Variants in RGS10 observed in about 807,000 individuals in gnomAD.
The protein encoded by RGS10 is regulator of G-protein signalling 10.
In RGS10, 11 loss-of-function variants were observed where a neutral mutation model predicts 23.5. The observed-to-expected ratio is 0.47, with a 90% CI of 0.29 to 0.77. The LOEUF (loss-of-function observed/expected upper bound fraction) is 0.77. RGS10 is among the 30% of genes least tolerant of loss of function. The pLI is 0.08. For synonymous variants in RGS10, 77 were observed against 83.2 expected, an observed-to-expected ratio of 0.92 and a Z score of 0.41; for missense variants, 180 against 226.3, an observed-to-expected ratio of 0.80 and a Z score of 1.31.
intron 4 of RGS10, among the ~76,000 whole-genome samples, chr10:119,504,167 T>C (rs1308711239): frequency 6.6e-6 from 1 of 152,210 alleles, no homozygotes; most frequent in African/African-American, 2.4e-5. Context: ...AAAACAATGA[T>C]CCCAAATACG....
chr10:119,525,057 G>C (rs1168566661), intron 3 of RGS10, among the ~76,000 whole-genome samples: 1 of 152,190 alleles, frequency 6.6e-6, no homozygotes, highest in Non-Finnish European at 1.5e-5. Flanking sequence ...TGTTTGGTAG[G>C]CAAGGTTTTA....
At chr10:119,510,501 C>T (rs11812697) in intron 4 of RGS10, among the ~76,000 whole-genome samples, 2,034 of 152,288 alleles carry the variant, frequency 0.013, 39 homozygotes, top group African/African-American at 0.047. Flanking sequence ...CCTCTCAGCT[C>T]ATCCCCTGTT....
intron 3 of RGS10, 123 bp from the exon 4 acceptor site, chr10:119,515,775 C>A (rs1275046098): frequency 3.4e-6 from 4 of 1,169,490 alleles, no homozygotes; most frequent in African/African-American, 3.1e-5. Context: ...CCCCCCACAG[C>A]CCAGGGGCTC....
intron 3 of RGS10, among the ~76,000 whole-genome samples, chr10:119,516,107 C>A (rs1844140086): frequency 6.6e-6 from 1 of 152,056 alleles, no homozygotes; most frequent in African/African-American, 2.4e-5. Context: ...CAAAAATTAG[C>A]CAGGCGTGGT....
At position 119,527,400 on chromosome 10, in the gene RGS10, G is replaced by C; in HGVS notation, c.74C>G (p.Ser25Cys). 2 of 1,614,134 alleles carry C rather than the reference G, an allele frequency of 1.2e-6. No individual in the cohort carries two copies. Among genetic ancestry groups the C allele is most frequent in the South Asian group, 1.1e-5 (1 of 91,090 alleles). ...CTTGAGGCTCTGGTGGCTGCTGCTGGAACTGCCATCGCTGTCGTGGATGTC... is the reference window on the plus strand; with the variant it reads ...CTTGAGGCTCTGGTGGCTGCTGCTGCAACTGCCATCGCTGTCGTGGATGTC... Reference protein sequence around the residue: ...PSDIHDSDGSSSSSHQSLKST... With the variant: ...PSDIHDSDGSCSSSHQSLKST... Residue 25 changes from serine (S) to cysteine (C), a missense_variant, in exon 2 of 5, where the codon TCC (serine) becomes TGC (cysteine). Coordinates refer to ENST00000369103, the MANE Select transcript of RGS10 (RefSeq NM_001005339.2). This position sits in a 1 kb window ranked among gnomAD's most constrained non-coding sequence, Gnocchi z 4.2.
chr10:119,540,015 A>T (rs1844422353), intron 1 of RGS10, among the ~76,000 whole-genome samples: 1 of 151,630 alleles, frequency 6.6e-6, no homozygotes, highest in South Asian at 2.1e-4. Flanking sequence ...CTGTCTTCTC[A>T]GTACCTCGGC....
chr10:119,534,273 A>G (rs1372562522), intron 1 of RGS10, among the ~76,000 whole-genome samples: 1 of 97,782 alleles, frequency 1.0e-5, no homozygotes, highest in Non-Finnish European at 2.5e-5. Context: ...ATAAATAAAT[A>G]AATAAATAAA....
rs578053661 is a variant in RGS10, at chr10:119,503,239, T to C, written c.400-2980A>G. ...CTGTAGTCCCAGCTACTAAGGAGGC[T>C]GAGGTGGGAGGATCACCTAAGCCCG... On this transcript the variant is annotated intron_variant, in intron 4 of 4. Transcript: ENST00000369103. Among the ~76,000 whole-genome samples the C allele has an allele frequency of 3.7e-4, 56 of 150,992 alleles. No homozygotes were observed. In the South Asian group the frequency reaches 0.011, roughly 30 times the overall value.
chr10:119,511,182 C>T (rs1170843118), intron 4 of RGS10, among the ~76,000 whole-genome samples: 2 of 152,212 alleles, frequency 1.3e-5, no homozygotes, highest in African/African-American at 4.8e-5. Flanking sequence ...ATGCCCACAG[C>T]ACCACCTTTC....
intron 4 of RGS10, among the ~76,000 whole-genome samples, chr10:119,513,459 CAAAAA>C (rs1236164318): frequency 1.4e-5 from 2 of 147,088 alleles, no homozygotes; most frequent in African/African-American, 5.0e-5. Context: ...CATCCTGTCG[CAAAAA>C]TAAAATAAAA....
intron 4 of RGS10, among the ~76,000 whole-genome samples, chr10:119,501,768 G>C (rs1027510383): frequency 6.6e-6 from 1 of 152,098 alleles, no homozygotes; most frequent in African/African-American, 2.4e-5. Context: ...ACAAACATCT[G>C]AGGGACTCAA....
intron 1 of RGS10, chr10:119,536,451 G>A (rs1448808016): frequency 1.9e-6 from 3 of 1,612,644 alleles, no homozygotes; most frequent in Non-Finnish European, 1.7e-6. Flanking sequence ...AAGGGGTGGG[G>A]GCGATTCCTT....
intron 1 of RGS10, chr10:119,536,574 C>T (rs757203833): frequency 2.0e-6 from 3 of 1,483,698 alleles, no homozygotes; most frequent in South Asian, 2.5e-5. Flanking sequence ...CCCGAGCACC[C>T]TTGGGTCCGA....
At chr10:119,520,592 C>T (rs531141937) in intron 3 of RGS10, among the ~76,000 whole-genome samples, 13 of 152,198 alleles carry the variant, frequency 8.5e-5, no homozygotes, top group African/African-American at 2.2e-4. Flanking sequence ...AAGAATGAGA[C>T]GCCGAACCGA....
rs35699150 is a variant in RGS10 at position 119,507,579 on chromosome 10, C to CT, written c.400-7321dup. Among the ~76,000 whole-genome samples, 114 of 64,324 alleles carry CT rather than the reference C, an allele frequency of 1.8e-3. 5 individuals are homozygous for CT. The highest frequency in any genetic ancestry group is 6.4e-3 in the African/African-American group (96 of 14,904). The allele number at this position is 64,324 out of a possible 152,430, so 42.2% of individuals were successfully genotyped here. A position where few individuals can be genotyped will look rare whatever the true frequency, so the allele number is the denominator to read the frequency against. On this transcript the variant is annotated intron_variant, in intron 4 of 4. Transcript: ENST00000369103. Reference sequence around the variant, plus strand: ...GGGAGCACTAGCATCTCACCCAAGGCTTTTTTTTTTTTTTTTTTTTTTTGA... The same window carrying CT: ...GGGAGCACTAGCATCTCACCCAAGGCTTTTTTTTTTTTTTTTTTTTTTTTGA...
chr10:119,521,907 A>G (rs1304077578), intron 3 of RGS10, among the ~76,000 whole-genome samples: 1 of 152,182 alleles, frequency 6.6e-6, no homozygotes, highest in Admixed American at 6.5e-5. Context: ...AGGTCTTTAC[A>G]TACCTACCTG....
chr10:119,536,498 C>G, intron 1 of RGS10: 2 of 1,611,388 alleles, frequency 1.2e-6, no homozygotes, highest in South Asian at 1.1e-5. Context: ...AGAAGTTCCA[C>G]GCAGACCAAC....
Position 119,515,577 on chromosome 10 carries a change from G to T in RGS10, c.331C>A (p.Gln111Lys). The T allele has an allele frequency of 6.2e-7, 1 of 1,614,190 alleles. No homozygotes were observed. Among genetic ancestry groups the T allele is most frequent in the Non-Finnish European group, 8.5e-7 (1 of 1,180,014 alleles). Reference sequence around the variant, plus strand: ...AGGATCTTCTCGTTGAGCCGAGACTGCCCCTCCACGTTGACCTGTGATGAG... The same window carrying T: ...AGGATCTTCTCGTTGAGCCGAGACTTCCCCTCCACGTTGACCTGTGATGAG... ...KASSQVNVEG[Q>K]SRLNEKILEE... Residue 111 changes from glutamine (Q) to lysine (K), a missense_variant, in exon 4 of 5, where the codon CAG becomes AAG. Gln to Lys is a moderately conservative substitution (Grantham distance 53). Transcript: ENST00000369103.
At chr10:119,507,800 G>A (rs1844032777) in intron 4 of RGS10, among the ~76,000 whole-genome samples, 1 of 151,944 alleles carries the variant, frequency 6.6e-6, no homozygotes, top group Admixed American at 6.6e-5. Flanking sequence ...GGCCAGGCTG[G>A]TCTCAAACTC....
Sources: gnomAD v4.1 joint callset for allele counts (sites outside exome capture counted in the v4.1 genomes callset) on GRCh38, gnomAD v4.1.1 for gene constraint, Gnocchi (gnomAD v3.1) non-coding constraint, MANE v1.5 for transcripts, NCBI Gene and HGNC (gene_info 2026-07-23, HGNC 2026-07-21) for gene names.